TSHZ3: variants seen among roughly 807,000 people sequenced by gnomAD.
TSHZ3 encodes the protein teashirt homolog 3.
TSHZ3 carries 10 observed loss-of-function variants against 64.5 expected under a neutral mutation model. The observed-to-expected ratio is 0.16, with a 90% CI of 0.10 to 0.26. TSHZ3 has a LOEUF of 0.26. Among genes scored for constraint, TSHZ3 ranks in the 10% least tolerant of loss-of-function variants. The pLI, the probability that TSHZ3 is intolerant of heterozygous loss-of-function variation, is 1.00. For synonymous variants in TSHZ3, 608 were observed against 593.1 expected (o/e 1.03, Z -0.36); for missense variants, 1,242 against 1,421.7 (o/e 0.87, Z 2.03).
At chr19:31,245,122 T>A (rs1313180733) in intron 1 of TSHZ3, among the ~76,000 whole-genome samples, 1 of 152,184 alleles carries the variant, frequency 6.6e-6, no homozygotes, top group Non-Finnish European at 1.5e-5. Flanking sequence ...TTCTTTATTA[T>A]AATATTCTAT....
At chr19:31,245,828 G>A (rs1156718453) in intron 1 of TSHZ3, among the ~76,000 whole-genome samples, 1 of 152,142 alleles carries the variant, frequency 6.6e-6, no homozygotes, top group East Asian at 1.9e-4. Flanking sequence ...TTCATTGCAG[G>A]TAGTGTGGCC....
chr19:31,178,533 G>C (rs1453605547), intron 5 of TSHZ3, among the ~76,000 whole-genome samples: 2 of 152,158 alleles, frequency 1.3e-5, no homozygotes, highest in Non-Finnish European at 2.9e-5. Context: ...TACAAAAGTA[G>C]CCGGGCGTGG....
At chr19:31,307,263 G>C (rs779310752) in intron 1 of TSHZ3, among the ~76,000 whole-genome samples, 12 of 151,496 alleles carry the variant, frequency 7.9e-5, no homozygotes, top group African/African-American at 1.5e-4. Flanking sequence ...GGGTAGGAAA[G>C]AGTGCCATTG....
intron 1 of TSHZ3, among the ~76,000 whole-genome samples, chr19:31,319,205 C>T (rs900687603): frequency 1.3e-5 from 2 of 152,160 alleles, no homozygotes; most frequent in East Asian, 3.9e-4. Context: ...AGCAACACTG[C>T]AGAAACAAGC....
chr19:31,154,973 G>A (rs1974287061), intron 6 of TSHZ3, among the ~76,000 whole-genome samples: 1 of 152,234 alleles, frequency 6.6e-6, no homozygotes, highest in Non-Finnish European at 1.5e-5. Flanking sequence ...AAAGATGCCA[G>A]GTTTGCTGAG....
Position 31,166,428 on chromosome 19 carries a change from C to A in TSHZ3, n.810-10011G>T, listed in dbSNP as rs975051007. ...ACTTCGAGGGAGAGGGAACAGGTGG[C>A]ATCAGCACTGTGCCTATCCTCTGTA... On this transcript the variant is annotated intron_variant and non_coding_transcript_variant, in intron 5 of 6. Transcript: ENST00000651361. Among the ~76,000 whole-genome samples, 54 of 152,308 alleles carry A rather than the reference C, an allele frequency of 3.5e-4. 1 individual carries two copies. Among genetic ancestry groups the A allele is most frequent in the African/African-American group, 1.3e-3 (53 of 41,580 alleles).
At chr19:31,218,842 A>G (rs1403058801) in intron 4 of TSHZ3, among the ~76,000 whole-genome samples, 1 of 152,200 alleles carries the variant, frequency 6.6e-6, no homozygotes, top group Admixed American at 6.5e-5. Flanking sequence ...TTAAACCTTT[A>G]AATTTGTTAT....
rs1461556859 is a variant in TSHZ3, at chr19:31,277,243, C to A, written c.2550G>T (p.Met850Ile). 1.2e-6 allele frequency: 2 copies of A among 1,614,084 alleles called. No individual in the cohort carries two copies. Among genetic ancestry groups the A allele is most frequent in the Admixed American group, 3.3e-5 (2 of 60,002 alleles). ...TGTGGCTCTCTGTCAAGTTCTTCAG[C>A]ATATCGGATATATCTGACAAGGCAT... ...RENALSDISD[M>I]LKNLTESHTS... The change falls in exon 2 of 2, where the codon ATG (methionine) becomes ATT (isoleucine). Residue 850 changes from methionine (M) to isoleucine (I), a missense_variant. Transcript: ENST00000240587. The surrounding 1 kb of genome is among the most constrained non-coding windows in gnomAD (Gnocchi z 4.5).
At chr19:31,234,350 C>T (rs1433356282) in intron 3 of TSHZ3, among the ~76,000 whole-genome samples, 3 of 152,008 alleles carry the variant, frequency 2.0e-5, no homozygotes, top group African/African-American at 7.3e-5. Context: ...ATATTTCTCT[C>T]CTTTTTAAAT....
At chr19:31,230,515 A>G (rs747383144) in intron 3 of TSHZ3, among the ~76,000 whole-genome samples, 7 of 152,054 alleles carry the variant, frequency 4.6e-5, no homozygotes, top group African/African-American at 1.4e-4. Context: ...GAAGTCAGGT[A>G]TCAAAAAATG....
At chr19:31,241,575 TG>T (rs1975690134) in intron 3 of TSHZ3, among the ~76,000 whole-genome samples, 1 of 152,188 alleles carries the variant, frequency 6.6e-6, no homozygotes, top group East Asian at 1.9e-4. Flanking sequence ...TTCTCAGCCA[TG>T]GACTTGCAGG....
intron 3 of TSHZ3, among the ~76,000 whole-genome samples, chr19:31,235,424 A>G (rs1975594291): frequency 6.6e-6 from 1 of 151,882 alleles, no homozygotes. Context: ...GGTTCCACAT[A>G]TAAGTGAGAT....
intron 1 of TSHZ3, among the ~76,000 whole-genome samples, chr19:31,250,127 A>C (rs554427265): frequency 6.6e-6 from 1 of 152,332 alleles, no homozygotes; most frequent in South Asian, 2.1e-4. Flanking sequence ...TCTTTCTGAC[A>C]TCTTAAAAGC....
chr19:31,191,081 A>C (rs1974898330), intron 5 of TSHZ3, among the ~76,000 whole-genome samples: 1 of 152,172 alleles, frequency 6.6e-6, no homozygotes, highest in African/African-American at 2.4e-5. Context: ...AAATGGTTTA[A>C]CTGGGATGTC....
chr19:31,333,780 G>A (rs368259381), intron 1 of TSHZ3, among the ~76,000 whole-genome samples: 30 of 152,194 alleles, frequency 2.0e-4, no homozygotes, highest in African/African-American at 6.5e-4. Flanking sequence ...CTTGGCCAGC[G>A]CGTTCCCGTT....
intron 1 of TSHZ3, among the ~76,000 whole-genome samples, chr19:31,330,910 C>T (rs1014863067): frequency 2.0e-5 from 3 of 152,132 alleles, no homozygotes; most frequent in Non-Finnish European, 4.4e-5. Context: ...GACATGCATG[C>T]TTGTCCCCCA....
At chr19:31,199,201 G>A (rs565364973) in intron 5 of TSHZ3, among the ~76,000 whole-genome samples, 1 of 151,930 alleles carries the variant, frequency 6.6e-6, no homozygotes, top group Admixed American at 6.6e-5. Flanking sequence ...GTCAAAAGAT[G>A]GAGACCATCC....
At chr19:31,264,827 T>C (rs1435112228) in intron 1 of TSHZ3, among the ~76,000 whole-genome samples, 3 of 152,020 alleles carry the variant, frequency 2.0e-5, no homozygotes, top group African/African-American at 7.3e-5. Flanking sequence ...GCAGTTCAGG[T>C]GCCAGAGACA....
At chr19:31,317,350 T>A (rs1241588734) in intron 1 of TSHZ3, among the ~76,000 whole-genome samples, 1 of 152,158 alleles carries the variant, frequency 6.6e-6, no homozygotes, top group African/African-American at 2.4e-5. Flanking sequence ...TGCAGCCACA[T>A]CGGGACGATG....
Sources: allele counts gnomAD v4.1 joint callset (sites outside exome capture counted in the v4.1 genomes callset), GRCh38; gene constraint gnomAD v4.1.1; non-coding constraint Gnocchi (gnomAD v3.1); transcripts MANE v1.5; gene names NCBI Gene and HGNC (gene_info 2026-07-23, HGNC 2026-07-21).